The following NALF1 variants were observed in gnomAD, a reference collection of about 807,000 sequenced individuals.
NALF1 encodes the protein NALCN channel auxiliary factor 1.
NALF1 carries 3 observed loss-of-function variants against 48.4 expected under a neutral mutation model. The ratio of observed to expected loss-of-function variants is 0.06; its 90% CI spans 0.03 to 0.16. NALF1 has a LOEUF of 0.16. NALF1 is among the 10% of genes least tolerant of loss of function. NALF1 has a pLI of 1.00. For missense variants in NALF1, 526 were observed against 571.5 expected, an observed-to-expected ratio of 0.92 and a Z score of 0.81; for synonymous variants, 262 against 245.7, an observed-to-expected ratio of 1.07 and a Z score of -0.62.
chr13:107,243,664 T>C (rs1258076041), intron 1 of NALF1, among the ~76,000 whole-genome samples: 1 of 152,198 alleles, frequency 6.6e-6, no homozygotes, highest in Non-Finnish European at 1.5e-5. Flanking sequence ...CTAGAGACAT[T>C]TAACGCTACC....
At chr13:107,713,170 C>T (rs1875654509) in intron 1 of NALF1, among the ~76,000 whole-genome samples, 1 of 152,154 alleles carries the variant, frequency 6.6e-6, no homozygotes, top group South Asian at 2.1e-4. Flanking sequence ...TTAAATGGAT[C>T]TTTTAGTTTA....
intron 1 of NALF1, among the ~76,000 whole-genome samples, chr13:107,454,405 G>C (rs748618120): frequency 6.6e-6 from 1 of 152,136 alleles, no homozygotes; most frequent in African/African-American, 2.4e-5. Context: ...TCTTCACTAG[G>C]TGGCTAGAAG....
At chr13:107,472,329 A>AAAAC (rs1212663861) in intron 1 of NALF1, among the ~76,000 whole-genome samples, 3 of 152,186 alleles carry the variant, frequency 2.0e-5, no homozygotes, top group East Asian at 1.9e-4. Context: ...ACTCCCTCTC[A>AAAAC]AAACAAACAA....
intron 1 of NALF1, among the ~76,000 whole-genome samples, chr13:107,278,763 T>C (rs922380153): frequency 5.9e-5 from 9 of 152,216 alleles, no homozygotes; most frequent in Non-Finnish European, 1.0e-4. Context: ...TAACTAGCTA[T>C]GAAGCATAAA....
intron 1 of NALF1, among the ~76,000 whole-genome samples, chr13:107,829,727 C>T (rs910290927): frequency 1.3e-5 from 2 of 152,132 alleles, no homozygotes; most frequent in African/African-American, 4.8e-5. Context: ...TCCATAAACA[C>T]GGATGACAGG....
intron 1 of NALF1, among the ~76,000 whole-genome samples, chr13:107,741,583 A>C (rs894797237): frequency 1.3e-5 from 2 of 152,196 alleles, no homozygotes; most frequent in African/African-American, 2.4e-5. Flanking sequence ...CAATAATACA[A>C]GGGAACTTTT....
chr13:107,226,421 T>G (rs1211580189), intron 1 of NALF1, among the ~76,000 whole-genome samples: 1 of 152,224 alleles, frequency 6.6e-6, no homozygotes, highest in East Asian at 1.9e-4. Context: ...AGATGGAAAT[T>G]GTTTCTTTTA....
chr13:107,588,473 T>C (rs939734245), intron 1 of NALF1, among the ~76,000 whole-genome samples: 5 of 151,852 alleles, frequency 3.3e-5, no homozygotes, highest in African/African-American at 7.3e-5. Flanking sequence ...AATAATTGGG[T>C]ACAGAAAAAG....
chr13:107,632,269 A>G (rs916543337), intron 1 of NALF1, among the ~76,000 whole-genome samples: 2 of 151,952 alleles, frequency 1.3e-5, no homozygotes, highest in African/African-American at 4.8e-5. Context: ...ATACACACAT[A>G]TATTTGACTG....
intron 1 of NALF1, among the ~76,000 whole-genome samples, chr13:107,554,184 C>T (rs1034126253): frequency 1.3e-5 from 2 of 152,140 alleles, no homozygotes; most frequent in African/African-American, 4.8e-5. Context: ...GAGCCGAACT[C>T]GAGGCTGTGC....
intron 1 of NALF1, among the ~76,000 whole-genome samples, chr13:107,806,999 T>C (rs1485538852): frequency 6.6e-6 from 1 of 152,168 alleles, no homozygotes; most frequent in Non-Finnish European, 1.5e-5. Context: ...TGAATTCCAA[T>C]GTGTTTGAAA....
At chr13:107,265,872 C>A (rs1427031150) in intron 1 of NALF1, among the ~76,000 whole-genome samples, 1 of 152,080 alleles carries the variant, frequency 6.6e-6, no homozygotes, top group East Asian at 1.9e-4. Flanking sequence ...AAAAGTATCT[C>A]ATAAAGAAAT....
At chr13:107,777,420 G>T (rs1197510709) in intron 1 of NALF1, among the ~76,000 whole-genome samples, 1 of 152,180 alleles carries the variant, frequency 6.6e-6, no homozygotes, top group Non-Finnish European at 1.5e-5. Context: ...ATTGCAATCT[G>T]CAATGCTGGA....
chr13:107,763,169 T>C (rs1163463152), intron 1 of NALF1, among the ~76,000 whole-genome samples: 1 of 151,916 alleles, frequency 6.6e-6, no homozygotes, highest in Non-Finnish European at 1.5e-5. Flanking sequence ...AAAGTAAACA[T>C]AATACACTAG....
At chr13:107,601,841 G>A (rs1878938698) in intron 1 of NALF1, among the ~76,000 whole-genome samples, 1 of 151,792 alleles carries the variant, frequency 6.6e-6, no homozygotes. Flanking sequence ...AAAAAAAAAT[G>A]CTGTTACTTA....
At chr13:107,674,053 C>A (rs1335721451) in intron 1 of NALF1, among the ~76,000 whole-genome samples, 3 of 152,010 alleles carry the variant, frequency 2.0e-5, no homozygotes, top group Non-Finnish European at 4.4e-5. Flanking sequence ...CAACACCAAA[C>A]CATCACTTAA....
At chr13:107,712,786 C>G (rs138365349) in intron 1 of NALF1, among the ~76,000 whole-genome samples, 7 of 152,316 alleles carry the variant, frequency 4.6e-5, no homozygotes, top group African/African-American at 1.7e-4. Flanking sequence ...AGTAGACAGT[C>G]TACAAAAGCT....
At chr13:107,395,621 A>T (rs1883699722) in intron 1 of NALF1, among the ~76,000 whole-genome samples, 1 of 152,254 alleles carries the variant, frequency 6.6e-6, no homozygotes, top group East Asian at 1.9e-4. Flanking sequence ...CTGAAACTGC[A>T]TTAGCTTGCT....
intron 1 of NALF1, among the ~76,000 whole-genome samples, chr13:107,736,106 A>C (rs1370889530): frequency 6.6e-6 from 1 of 152,108 alleles, no homozygotes; most frequent in East Asian, 1.9e-4. Flanking sequence ...CTTACAGCCC[A>C]ATAAAATGTA....
Sources: gnomAD v4.1 joint callset for allele counts (sites outside exome capture counted in the v4.1 genomes callset) on GRCh38, gnomAD v4.1.1 for gene constraint, MANE v1.5 for transcripts, NCBI Gene and HGNC (gene_info 2026-07-23, HGNC 2026-07-21) for gene names.